HYAL4: variants seen among roughly 807,000 people sequenced by gnomAD.
HYAL4 encodes the protein hyaluronidase-4.
HYAL4 carries 37 observed loss-of-function variants against 35.2 expected under a neutral mutation model. That is an observed-to-expected ratio of 1.05 (90% CI 0.81 to 1.38). HYAL4 has a LOEUF of 1.38. HYAL4 is among the 40% of genes most tolerant of loss of function. HYAL4 has a pLI of 0.00. For missense variants in HYAL4, 572 were observed against 572.4 expected, an observed-to-expected ratio of 1.00 and a Z score of 0.01; for synonymous variants, 198 against 203.2, an observed-to-expected ratio of 0.97 and a Z score of 0.22.
the HYAL4 span, among the ~76,000 whole-genome samples, chr7:123,823,259 A>G: frequency 6.6e-6 from 1 of 151,914 alleles, no homozygotes; most frequent in Non-Finnish European, 1.5e-5. Flanking sequence ...ACATTTATTG[A>G]TTTGTGTGTG....
At chr7:123,806,768 C>G in the HYAL4 span, among the ~76,000 whole-genome samples, 1 of 152,016 alleles carries the variant, frequency 6.6e-6, no homozygotes, top group Non-Finnish European at 1.5e-5. Context: ...TTCCATTTCT[C>G]TCGTACTCCT....
At chr7:123,838,511 A>ATGGCTTTTGCAT (rs1562992726) in intron 1 of HYAL4, among the ~76,000 whole-genome samples, 1 of 152,000 alleles carries the variant, frequency 6.6e-6, no homozygotes, top group Non-Finnish European at 1.5e-5. Context: ...TAGTTTTTGT[A>ATGGCTTTTGCAT]TGGCTTTTGC....
chr7:123,818,806 A>G, the HYAL4 span, among the ~76,000 whole-genome samples: 2 of 152,156 alleles, frequency 1.3e-5, no homozygotes, highest in Non-Finnish European at 2.9e-5. Context: ...ATTAAAATTT[A>G]TATTTTAATT....
chr7:123,855,426 G>C (rs1192359231), intron 2 of HYAL4, among the ~76,000 whole-genome samples: 1 of 152,028 alleles, frequency 6.6e-6, no homozygotes, highest in Non-Finnish European at 1.5e-5. Flanking sequence ...GCGTTTGCTT[G>C]TTTTAAAGGA....
the HYAL4 span, among the ~76,000 whole-genome samples, chr7:123,777,992 A>C: frequency 6.6e-6 from 1 of 152,026 alleles, no homozygotes; most frequent in Non-Finnish European, 1.5e-5. Context: ...GAAGTTCTAA[A>C]ATTCTAAATT....
At chr7:123,863,206 T>G (rs188244105) in intron 2 of HYAL4, among the ~76,000 whole-genome samples, 96 of 152,352 alleles carry the variant, frequency 6.3e-4, no homozygotes, top group African/African-American at 2.3e-3. Flanking sequence ...TTAAACTCAG[T>G]GAGGGCAGAG....
At chr7:123,808,498 A>G in the HYAL4 span, among the ~76,000 whole-genome samples, 1 of 151,082 alleles carries the variant, frequency 6.6e-6, no homozygotes, top group Non-Finnish European at 1.5e-5. Flanking sequence ...GTAGGTTCAC[A>G]TTTCAGTGGC....
At chr7:123,773,142 C>G in the HYAL4 span, among the ~76,000 whole-genome samples, 1 of 152,134 alleles carries the variant, frequency 6.6e-6, no homozygotes, top group Admixed American at 6.5e-5. Flanking sequence ...GATTCTTATT[C>G]GCACTTCGTT....
chr7:123,829,950 A>T (rs1805855356), intron 1 of HYAL4, among the ~76,000 whole-genome samples: 2 of 152,340 alleles, frequency 1.3e-5, no homozygotes, highest in African/African-American at 4.8e-5. Context: ...GAACACTGGA[A>T]ATGTAAGAGA....
the HYAL4 span, among the ~76,000 whole-genome samples, chr7:123,783,114 C>G: frequency 1.3e-5 from 2 of 151,920 alleles, no homozygotes; most frequent in African/African-American, 4.8e-5. Flanking sequence ...GAAATTTTTT[C>G]CTTTTATTCA....
chr7:123,848,525 A>G (rs1028218388), intron 2 of HYAL4, among the ~76,000 whole-genome samples: 3 of 152,224 alleles, frequency 2.0e-5, no homozygotes, highest in African/African-American at 7.2e-5. Context: ...ATCAAAATGT[A>G]TTCCATGAAG....
intron 2 of HYAL4, among the ~76,000 whole-genome samples, chr7:123,861,607 A>G (rs1806577343): frequency 1.3e-5 from 2 of 152,212 alleles, no homozygotes; most frequent in African/African-American, 4.8e-5. Flanking sequence ...TAAAACTGCA[A>G]AATTTGCTTG....
the HYAL4 span, among the ~76,000 whole-genome samples, chr7:123,770,665 G>C: frequency 6.6e-6 from 1 of 151,988 alleles, no homozygotes; most frequent in Non-Finnish European, 1.5e-5. Context: ...GAGGAGTGTT[G>C]AGAAATGAAA....
chr7:123,794,621 C>T, the HYAL4 span, among the ~76,000 whole-genome samples: 1 of 152,218 alleles, frequency 6.6e-6, no homozygotes, highest in African/African-American at 2.4e-5. Context: ...AGTCCCAAGC[C>T]TTGGCAGCTT....
chr7:123,860,034 G>A (rs77815721), intron 2 of HYAL4, among the ~76,000 whole-genome samples: 3,780 of 152,150 alleles, frequency 0.025, 144 homozygotes, highest in African/African-American at 0.086. Context: ...TGGAGGGAGG[G>A]AAGTGATCAG....
At chr7:123,860,874 T>G (rs1006282156) in intron 2 of HYAL4, among the ~76,000 whole-genome samples, 1 of 152,188 alleles carries the variant, frequency 6.6e-6, no homozygotes, top group African/African-American at 2.4e-5. Flanking sequence ...CTCAAATTTC[T>G]TATCCTGCTA....
the HYAL4 span, among the ~76,000 whole-genome samples, chr7:123,792,908 C>T: frequency 2.0e-5 from 3 of 152,196 alleles, no homozygotes; most frequent in Non-Finnish European, 4.4e-5. Flanking sequence ...TTCAGGCAGG[C>T]TACCAGTTCA....
chr7:123,836,077 A>T (rs1378435262), intron 1 of HYAL4, among the ~76,000 whole-genome samples: 4 of 152,148 alleles, frequency 2.6e-5, no homozygotes, highest in Non-Finnish European at 5.9e-5. Context: ...TATTCAGTAA[A>T]TATCTTTTAA....
chr7:123,806,407 A>G, the HYAL4 span, among the ~76,000 whole-genome samples: 4 of 150,228 alleles, frequency 2.7e-5, no homozygotes, highest in Non-Finnish European at 5.9e-5. Flanking sequence ...TTTCTCCATT[A>G]CTCCTTAGTG....
Sources: allele counts gnomAD v4.1 joint callset (sites outside exome capture counted in the v4.1 genomes callset), GRCh38; gene constraint gnomAD v4.1.1; transcripts MANE v1.5; gene names NCBI Gene and HGNC (gene_info 2026-07-23, HGNC 2026-07-21).